The following GALNT9 variants were observed in gnomAD, a reference collection of about 807,000 sequenced individuals.
GALNT9 encodes the protein GalNAc transferase 9.
In GALNT9, 47 loss-of-function variants were observed where a neutral mutation model predicts 63.1. The observed-to-expected ratio is 0.75, with a 90% confidence interval of 0.59 to 0.95. The LOEUF is 0.95. Ranked by LOEUF, GALNT9 falls within the 40% of genes least tolerant of loss-of-function variation. The pLI, the probability that GALNT9 is intolerant of heterozygous loss-of-function variation, is 0.00. For missense variants in GALNT9, 829 were observed against 874.8 expected (o/e 0.95, Z 0.66); for synonymous variants, 396 against 365.7 (o/e 1.08, Z -0.94).
At chr12:132,276,700 A>G (rs782446873) in intron 2 of GALNT9, among the ~76,000 whole-genome samples, 11 of 152,238 alleles carry the variant, frequency 7.2e-5, no homozygotes, top group Non-Finnish European at 1.2e-4. Context: ...TGGATTTGCC[A>G]GTCTTCCTTT....
intron 6 of GALNT9, among the ~76,000 whole-genome samples, chr12:132,243,558 C>G (rs1020004549): frequency 1.1e-4 from 16 of 152,186 alleles, no homozygotes; most frequent in African/African-American, 2.4e-4. Context: ...CCAGACACCA[C>G]GTCTCTTCGT....
chr12:132,262,320 C>T (rs1555239848), intron 3 of GALNT9, 139 bp downstream of exon 3: 3 of 1,178,810 alleles, frequency 2.5e-6, no homozygotes, highest in African/African-American at 1.5e-5. Context: ...AGGAGGGACC[C>T]CCATAGGTTT....
chr12:132,244,241 G>T (rs2136906363), intron 6 of GALNT9, among the ~76,000 whole-genome samples: 3 of 104,126 alleles, frequency 2.9e-5, no homozygotes, highest in South Asian at 3.7e-4. Context: ...CTGAGGGCCC[G>T]GCAGGGCTGG....
At chr12:132,240,590 T>G (rs1878224514) in intron 6 of GALNT9, 4 of 455,378 alleles carry the variant, frequency 8.8e-6, no homozygotes, top group Non-Finnish European at 1.8e-5. Flanking sequence ...GGGGCTCGGC[T>G]GTGGGCTCCG....
At position 132,329,168 on chromosome 12, in the gene GALNT9, C is replaced by T. The variant is rs782812906; in HGVS notation, c.36G>A (p.Thr12=). The change falls in exon 1 of 11, where the codon ACG becomes ACA. Residue 12 remains threonine, a synonymous_variant. Coordinates refer to ENST00000328957, the MANE Select transcript of GALNT9 (RefSeq NM_001122636.2). ...AVARKIRTLL[T]VNILVFVGIV... is the part of the protein sequence containing the mutation. Reference sequence around the variant, plus strand: ...TGCCCACGAACACCAGGATGTTCACCGTCAGCAAAGTTCGGATCTTCCTGG... The same window carrying T: ...TGCCCACGAACACCAGGATGTTCACTGTCAGCAAAGTTCGGATCTTCCTGG... The T allele has an allele frequency of 1.9e-6, 3 of 1,548,784 alleles. No homozygotes were observed. The highest frequency in any genetic ancestry group is 2.0e-5 in the Admixed American group (1 of 50,934).
In GALNT9 at chr12:132,315,648, G is replaced by A. The variant is rs552977477; in HGVS notation, c.238+13318C>T. ...TGATCTGAGAAGGTCGCGTCTTCTG[G>A]GCCAGTCTCTGTGAAGGCCACCAGT... On this transcript the variant is annotated intron_variant, in intron 1 of 10. Coordinates refer to ENST00000328957, the MANE Select transcript of GALNT9 (RefSeq NM_001122636.2). The surrounding 1 kb of genome is among the most constrained non-coding windows in gnomAD (Gnocchi z 6.1). Among the ~76,000 whole-genome samples the A allele has an allele frequency of 3.3e-5, 5 of 152,296 alleles. No homozygotes were observed. The highest frequency in any genetic ancestry group is 3.3e-4 in the Admixed American group (5 of 15,300).
At chr12:132,240,858 T>G (rs1474582667) in intron 6 of GALNT9, 1 of 387,002 alleles carries the variant, frequency 2.6e-6, no homozygotes. Context: ...CCACACCCCC[T>G]TCCCAGGGCC....
Position 132,296,034 on chromosome 12 carries a change from C to CTGAA in GALNT9, c.239-9605_239-9604insTTCA. Among the ~76,000 whole-genome samples, 1 of 142,292 alleles carries CTGAA rather than the reference C, an allele frequency of 7.0e-6. No individual in the cohort carries two copies. The highest frequency in any genetic ancestry group is 2.8e-5 in the African/African-American group (1 of 35,614). The allele number at this position is 142,292 out of a possible 152,430, so 93.3% of individuals were successfully genotyped here. On this transcript the variant is annotated intron_variant, in intron 1 of 10. Transcript: ENST00000328957. This position sits in a 1 kb window ranked among gnomAD's most constrained non-coding sequence, Gnocchi z 4.2. ...AGAGCCTCCGGAACAGGGAGAGCCTCCAGAACAGGGAGAGCCTCTGAACAG... is the reference window on the plus strand; with the variant it reads ...AGAGCCTCCGGAACAGGGAGAGCCTCTGAACAGAACAGGGAGAGCCTCTGAACAG...
chr12:132,305,924 G>C (rs1192218314), intron 1 of GALNT9, among the ~76,000 whole-genome samples: 1 of 152,194 alleles, frequency 6.6e-6, no homozygotes, highest in Non-Finnish European at 1.5e-5. Context: ...GCTGAGTCAG[G>C]GCTGGCAGCA....
Position 132,247,676 on chromosome 12 carries a change from T to C in GALNT9, c.1077+234A>G, listed in dbSNP as rs375388574. ...CACTCGCCCTCACCCCGTCCCCGGA[T>C]GCCGTGGCCGCACTCGCCCTCACCC... On this transcript the variant is annotated intron_variant, in intron 6 of 10. Transcript: ENST00000328957. 2.2e-3 allele frequency: 509 copies of C among 233,792 alleles called. 4 individuals are homozygous for C. The highest frequency in any genetic ancestry group is 0.01 in the Middle Eastern group (12 of 1,174). The allele number at this position is 233,792 out of a possible 1,614,324, so 14.5% of individuals were successfully genotyped here. A position where few individuals can be genotyped will look rare whatever the true frequency, so the allele number is the denominator to read the frequency against.
Position 132,279,149 on chromosome 12 carries a change from C to G in GALNT9, c.419+7101G>C, listed in dbSNP as rs1215852382. Reference sequence around the variant, plus strand: ...CCAGGTTTCTGCTGGGGCTGCTCCCCAGCTGCTCTGCTCCCCAGCTCCCTA... The same window carrying G: ...CCAGGTTTCTGCTGGGGCTGCTCCCGAGCTGCTCTGCTCCCCAGCTCCCTA... On this transcript the variant is annotated intron_variant, in intron 2 of 10. Transcript: ENST00000328957. The surrounding 1 kb of genome is among the most constrained non-coding windows in gnomAD (Gnocchi z 4.1). 1 of 152,388 alleles carries G rather than the reference C, an allele frequency of 6.6e-6. No homozygotes were observed. The highest frequency in any genetic ancestry group is 2.4e-5 in the African/African-American group (1 of 41,468). 9.4% of individuals were successfully genotyped at this position (152,388 alleles called of 1,614,324 possible). A position where few individuals can be genotyped will look rare whatever the true frequency, so the allele number is the denominator to read the frequency against.
chr12:132,202,377 G>C (rs1262528681), intron 7 of GALNT9, among the ~76,000 whole-genome samples: 1 of 152,176 alleles, frequency 6.6e-6, no homozygotes, highest in African/African-American at 2.4e-5. Context: ...CGTGTCTACG[G>C]CTCCTGATCT....
intron 1 of GALNT9, among the ~76,000 whole-genome samples, chr12:132,311,707 A>G (rs1206900440): frequency 6.6e-6 from 1 of 152,126 alleles, no homozygotes; most frequent in East Asian, 1.9e-4. Context: ...ACCTTTGTCC[A>G]GCAAGCAGGA....
intron 1 of GALNT9, among the ~76,000 whole-genome samples, chr12:132,299,212 A>G (rs1160750953): frequency 7.2e-6 from 1 of 139,792 alleles, no homozygotes; most frequent in African/African-American, 2.7e-5. Flanking sequence ...ACTCACTCCC[A>G]TAACTAACCC....
rs574292036 is a variant in GALNT9 at position 132,245,479 on chromosome 12, G to C, written c.1077+2431C>G. 2.6e-5 allele frequency among the ~76,000 whole-genome samples: 4 copies of C among 152,194 alleles called. No homozygotes were observed. In the South Asian group the frequency reaches 8.3e-4, roughly 32 times the overall value. On this transcript the variant is annotated intron_variant, in intron 6 of 10. Transcript: ENST00000328957. The surrounding 1 kb of genome is among the most constrained non-coding windows in gnomAD (Gnocchi z 6.3). ...GGCCCATGTGTCATGGAGACGGGAG[G>C]GAAGCTCTCCAACGGCTGCAGCCAG...
chr12:132,235,440 G>C (rs908140501), intron 6 of GALNT9, among the ~76,000 whole-genome samples: 1 of 152,134 alleles, frequency 6.6e-6, no homozygotes, highest in Non-Finnish European at 1.5e-5. Flanking sequence ...GAGGGAGAGA[G>C]TGTTGGGGGG....
chr12:132,257,674 G>A lies in GALNT9; in HGVS notation c.959+15C>T. Reference sequence around the variant, plus strand: ...CCGGGCAGGGCCGCCCTCGACCCCTGAGGGCGCAGCTCACCTGATGGGTGC... The same window carrying A: ...CCGGGCAGGGCCGCCCTCGACCCCTAAGGGCGCAGCTCACCTGATGGGTGC... On this transcript the variant is annotated intron_variant, in intron 5 of 10. Coordinates refer to ENST00000328957, the MANE Select transcript of GALNT9 (RefSeq NM_001122636.2). 6.5e-7 allele frequency: 1 copy of A among 1,543,156 alleles called. No homozygotes were observed. The highest frequency in any genetic ancestry group is 8.8e-7 in the Non-Finnish European group (1 of 1,142,356).
intron 7 of GALNT9, among the ~76,000 whole-genome samples, chr12:132,203,122 G>A (rs1469767883): frequency 6.6e-6 from 1 of 152,192 alleles, no homozygotes; most frequent in Non-Finnish European, 1.5e-5. Context: ...CCCGGGGCTG[G>A]GGAGGGGTCC....
intron 6 of GALNT9, among the ~76,000 whole-genome samples, chr12:132,204,800 G>A (rs548649524): frequency 4.0e-5 from 6 of 151,186 alleles, no homozygotes; most frequent in African/African-American, 9.7e-5. Flanking sequence ...TGCCACCCAC[G>A]GGCTGACATC....
Sources: allele counts gnomAD v4.1 joint callset (sites outside exome capture counted in the v4.1 genomes callset), GRCh38; gene constraint gnomAD v4.1.1; non-coding constraint Gnocchi (gnomAD v3.1); transcripts MANE v1.5; gene names NCBI Gene and HGNC (gene_info 2026-07-23, HGNC 2026-07-21).